ATG7: variants seen among roughly 807,000 people sequenced by gnomAD.
The protein encoded by ATG7 is ubiquitin-like modifier-activating enzyme ATG7.
ATG7 carries 70 observed loss-of-function variants against 82.4 expected under a neutral mutation model. The ratio of observed to expected loss-of-function variants is 0.85; its 90% CI spans 0.70 to 1.04. ATG7 has a LOEUF of 1.04. ATG7 is among the 50% of genes least tolerant of loss of function. ATG7 has a pLI of 0.00. For synonymous variants in ATG7, 287 were observed against 313.0 expected (o/e 0.92, Z 0.88); for missense variants, 792 against 864.3 (o/e 0.92, Z 1.05).
chr3:11,558,714 C>T, downstream of ATG7: 1 of 1,614,102 alleles, frequency 6.2e-7, no homozygotes. Context: ...GCAAAGTGGT[C>T]GTCCACGGAG....
intron 20 of ATG7, among the ~76,000 whole-genome samples, chr3:11,483,577 T>C (rs2089261761): frequency 6.6e-6 from 1 of 152,224 alleles, no homozygotes; most frequent in Non-Finnish European, 1.5e-5. Flanking sequence ...GAGCAGGTTA[T>C]TTTACAGGAG....
intron 14 of ATG7, among the ~76,000 whole-genome samples, chr3:11,355,447 G>A (rs2075867946): frequency 6.6e-6 from 1 of 152,178 alleles, no homozygotes; most frequent in Admixed American, 6.5e-5. Context: ...GGAAAAACTA[G>A]CCAAACTGAG....
chr3:11,292,985 G>A (rs1331731101), intron 3 of ATG7, among the ~76,000 whole-genome samples: 1 of 152,180 alleles, frequency 6.6e-6, no homozygotes, highest in Non-Finnish European at 1.5e-5. Context: ...ATTGCGTTGA[G>A]AGAGAGAAAA....
intron 20 of ATG7, among the ~76,000 whole-genome samples, chr3:11,483,691 C>T (rs921592890): frequency 6.6e-6 from 1 of 152,132 alleles, no homozygotes; most frequent in Non-Finnish European, 1.5e-5. Context: ...ATCTACAAGA[C>T]ACTATTATTA....
chr3:11,449,491 G>T (rs957685731), intron 20 of ATG7, among the ~76,000 whole-genome samples: 1 of 152,194 alleles, frequency 6.6e-6, no homozygotes, highest in African/African-American at 2.4e-5. Context: ...GATTGAGACT[G>T]AGAGGGTGAG....
rs558597506 is a variant in ATG7 at position 11,307,981 on chromosome 3, T to C, written c.333+921T>C. On this transcript the variant is annotated intron_variant, in intron 6 of 20. Coordinates refer to ENST00000693202, the MANE Select transcript of ATG7 (RefSeq NM_001349232.2). The stretch of plus-strand genomic sequence containing the variant: ...CATTTAAAAGGGAGTCTCCAAAGAA[T>C]TGGGTCAGGCCTTAATCATCTTGGA... 1.2e-4 allele frequency among the ~76,000 whole-genome samples: 18 copies of C among 152,262 alleles called. No homozygotes were observed. The South Asian group carries it at 3.5e-3, about 30-fold the overall frequency.
intron 19 of ATG7, among the ~76,000 whole-genome samples, chr3:11,423,283 C>T (rs1284569611): frequency 6.6e-6 from 1 of 151,958 alleles, no homozygotes; most frequent in Non-Finnish European, 1.5e-5. Context: ...TTGTGGTGCC[C>T]CAAAACAATT....
chr3:11,394,563 G>T (rs1429367608), intron 19 of ATG7, among the ~76,000 whole-genome samples: 1 of 152,174 alleles, frequency 6.6e-6, no homozygotes, highest in Non-Finnish European at 1.5e-5. Context: ...CAAGGTGAAG[G>T]AGATAAAACT....
the ATG7 span, among the ~76,000 whole-genome samples, chr3:11,568,261 C>T: frequency 2.0e-5 from 3 of 152,194 alleles, no homozygotes; most frequent in African/African-American, 4.8e-5. The surrounding 1 kb of genome is among the most constrained non-coding windows in gnomAD (Gnocchi z 5.9). Flanking sequence ...CCTAGGGGCA[C>T]GGCACAGTCA....
intron 16 of ATG7, 30 bp from the exon 17 acceptor site, chr3:11,362,782 TC>T: frequency 6.3e-7 from 1 of 1,595,200 alleles, no homozygotes; most frequent in East Asian, 2.2e-5. Flanking sequence ...AGTAGAACGT[TC>T]TGCACACACC....
At chr3:11,554,761 C>T (rs770838027) in intron 20 of ATG7, 50 bp from the exon 21 acceptor site, 13 of 1,607,496 alleles carry the variant, frequency 8.1e-6, no homozygotes, top group Non-Finnish European at 1.1e-5. Flanking sequence ...TGTGTGCCCC[C>T]CACCGGGCAG....
rs1217627657 is a variant in ATG7 at position 11,395,963 on chromosome 3, AAAGGT to A, written c.1956+15913_1956+15917del. Among the ~76,000 whole-genome samples, 23 of 97,016 alleles carry A rather than the reference AAAGGT, an allele frequency of 2.4e-4. 1 individual carries two copies. Among genetic ancestry groups the A allele is most frequent in the South Asian group, 1.0e-3 (2 of 1,952 alleles). The allele number at this position is 97,016 out of a possible 152,430, so 63.6% of individuals were successfully genotyped here. A position where few individuals can be genotyped will look rare whatever the true frequency, so the allele number is the denominator to read the frequency against. On this transcript the variant is annotated intron_variant, in intron 19 of 20. Coordinates refer to ENST00000693202, the MANE Select transcript of ATG7 (RefSeq NM_001349232.2). ...TCAAAAAAAAAAAAAAAAAAAAAAA[AAAGGT>A]AGGGGGGGAAGAGTAAAAGTGAAGG...
At chr3:11,511,044 C>T (rs2092026159) in intron 20 of ATG7, among the ~76,000 whole-genome samples, 2 of 152,108 alleles carry the variant, frequency 1.3e-5, no homozygotes, top group Non-Finnish European at 1.5e-5. Context: ...CTCGCTGGCT[C>T]GGGAGTGAAG....
At position 11,439,256 on chromosome 3, in the gene ATG7, A is replaced by G. The variant is rs573001975; in HGVS notation, c.2079+12330A>G. Among the ~76,000 whole-genome samples the G allele has an allele frequency of 2.7e-3, 416 of 151,508 alleles. 4 individuals carry two copies. Among genetic ancestry groups the G allele is most frequent in the Admixed American group, 5.3e-3 (81 of 15,234 alleles). On this transcript the variant is annotated intron_variant, in intron 20 of 20. Transcript: ENST00000693202. The stretch of plus-strand genomic sequence containing the variant: ...GCTATTTTTTGTAGTTTTAGTAGGG[A>G]TGGGGTTTCGCCATGTTGGCCAGGC...
chr3:11,567,699 C>T, the ATG7 span, among the ~76,000 whole-genome samples: 52 of 152,354 alleles, frequency 3.4e-4, 2 homozygotes, highest in Middle Eastern at 0.02. Flanking sequence ...GCGGAACGGA[C>T]GTCAGGCCAA....
the ATG7 span, chr3:11,568,894 C>G: frequency 2.3e-6 from 3 of 1,318,674 alleles, no homozygotes; most frequent in African/African-American, 4.5e-5. This position sits in a 1 kb window ranked among gnomAD's most constrained non-coding sequence, Gnocchi z 5.9. Context: ...CGGCCCCGCC[C>G]CGGGCCTCAT....
At chr3:11,404,260 C>T (rs921774007) in intron 19 of ATG7, among the ~76,000 whole-genome samples, 4 of 151,464 alleles carry the variant, frequency 2.6e-5, no homozygotes, top group Non-Finnish European at 4.4e-5. Context: ...CTCAGCCTCC[C>T]GAGTAGCTGG....
At chr3:11,416,346 A>G (rs547808816) in intron 19 of ATG7, among the ~76,000 whole-genome samples, 49 of 152,242 alleles carry the variant, frequency 3.2e-4, no homozygotes, top group African/African-American at 5.8e-4. Flanking sequence ...GGTGCTTTCT[A>G]TTTGGGAAGG....
At chr3:11,475,858 C>T (rs1207954380) in intron 20 of ATG7, among the ~76,000 whole-genome samples, 1 of 142,446 alleles carries the variant, frequency 7.0e-6, no homozygotes, top group Admixed American at 7.5e-5. Context: ...GTCCATCTCT[C>T]TGTCTCTGAG....
Sources: allele counts gnomAD v4.1 joint callset (sites outside exome capture counted in the v4.1 genomes callset), GRCh38; gene constraint gnomAD v4.1.1; non-coding constraint Gnocchi (gnomAD v3.1); transcripts MANE v1.5; gene names NCBI Gene and HGNC (gene_info 2026-07-23, HGNC 2026-07-21).